The following ST7L variants were observed in gnomAD, a reference collection of about 807,000 sequenced individuals.
ST7L encodes suppression of tumorigenicity 7 like, also known as suppressor of tumorigenicity 7 protein-like.
In ST7L, 57 loss-of-function variants were observed where a neutral mutation model predicts 72.5. The ratio of observed to expected loss-of-function variants is 0.79; its 90% CI spans 0.64 to 0.98. ST7L has a LOEUF of 0.98. Ranked by LOEUF, ST7L falls within the 50% of genes least tolerant of loss-of-function variation. ST7L has a pLI of 0.00. For synonymous variants in ST7L, 221 were observed against 240.9 expected (o/e 0.92, Z 0.77); for missense variants, 576 against 672.2 (o/e 0.86, Z 1.58).
intron 5 of ST7L, among the ~76,000 whole-genome samples, chr1:112,597,653 T>A (rs1459166868): frequency 6.6e-6 from 1 of 152,254 alleles, no homozygotes; most frequent in Admixed American, 6.5e-5. Flanking sequence ...TGTTCTTCTA[T>A]TTTATGTATA....
intron 13 of ST7L, 24 bp from the exon 14 acceptor site, chr1:112,542,114 T>A (rs1231391711): frequency 6.4e-7 from 1 of 1,562,144 alleles, no homozygotes; most frequent in African/African-American, 1.4e-5. Flanking sequence ...TAGGTAAGAA[T>A]CAATTTTATT....
intron 3 of ST7L, 131 bp downstream of exon 3, chr1:112,610,710 T>G (rs1369957908): frequency 8.9e-7 from 1 of 1,117,928 alleles, no homozygotes; most frequent in Admixed American, 2.6e-5. Flanking sequence ...AACATCACAT[T>G]GGTGATTAGA....
intron 11 of ST7L, among the ~76,000 whole-genome samples, chr1:112,561,865 T>C (rs1660207975): frequency 6.8e-6 from 1 of 146,636 alleles, no homozygotes; most frequent in Admixed American, 7.0e-5. Flanking sequence ...AATCACACTG[T>C]CATCTTTAAA....
At chr1:112,541,641 G>T in intron 14 of ST7L, 1 of 349,196 alleles carries the variant, frequency 2.9e-6, no homozygotes, top group Non-Finnish European at 4.5e-6. Flanking sequence ...ACAAAATAGG[G>T]TATTTTTAAA....
chr1:112,540,092 T>C (rs765800790), intron 14 of ST7L: 415 of 985,340 alleles, frequency 4.2e-4, no homozygotes, highest in Non-Finnish European at 4.9e-4. Flanking sequence ...CATTAGTGAC[T>C]GCCTAGGTAA....
intron 4 of ST7L, among the ~76,000 whole-genome samples, chr1:112,599,148 A>G (rs1411670451): frequency 1.3e-4 from 19 of 144,228 alleles, no homozygotes; most frequent in Non-Finnish European, 2.3e-4. Flanking sequence ...ACACACACAC[A>G]CACACACACA....
chr1:112,582,181 T>G (rs926566695), intron 8 of ST7L, 75 bp from the exon 9 acceptor site: 2 of 1,168,384 alleles, frequency 1.7e-6, no homozygotes, highest in Non-Finnish European at 1.2e-6. Context: ...ATTCATTAAG[T>G]AGAAATTCTT....
chr1:112,610,989 C>T lies in ST7L; in HGVS notation c.303G>A (p.Trp101Ter), dbSNP rs754876043. The T allele has an allele frequency of 1.1e-5, 18 of 1,613,870 alleles. No individual in the cohort carries two copies. The highest frequency in any genetic ancestry group is 1.7e-5 in the Admixed American group (1 of 59,940). ...AAGATGTGCCATGCTTATGGAAGTACCACCATTCAAATATCTATGACAAAC... is the reference window on the plus strand; with the variant it reads ...AAGATGTGCCATGCTTATGGAAGTATCACCATTCAAATATCTATGACAAAC... ...ISGLIFIFEW[W>*]YFHKHGTSFI... is the part of the protein sequence containing the mutation. The change falls in exon 3 of 15, where the codon TGG becomes TGA. Residue 101 changes from tryptophan (W) to a stop codon, truncating the protein, a stop_gained. Coordinates refer to ENST00000358039, the MANE Select transcript of ST7L (RefSeq NM_017744.5). LOFTEE classifies it high-confidence loss of function.
intron 14 of ST7L, 65 bp downstream of exon 14, chr1:112,541,886 A>C: frequency 6.3e-7 from 1 of 1,585,740 alleles, no homozygotes; most frequent in South Asian, 1.2e-5. Context: ...TAGCACAGGC[A>C]GATCAGAGAT....
chr1:112,540,437 T>A, intron 14 of ST7L: 1 of 985,468 alleles, frequency 1.0e-6, no homozygotes, highest in Non-Finnish European at 1.2e-6. Context: ...GTTATGAGTA[T>A]GATCACTAAG....
At chr1:112,549,216 A>C (rs912715715) in intron 13 of ST7L, among the ~76,000 whole-genome samples, 8 of 152,072 alleles carry the variant, frequency 5.3e-5, no homozygotes, top group African/African-American at 1.9e-4. Context: ...AACATGGCGA[A>C]ACCCTGTTTC....
intron 13 of ST7L, 123 bp downstream of exon 13, chr1:112,550,478 C>G: frequency 1.6e-6 from 1 of 642,964 alleles, no homozygotes; most frequent in South Asian, 2.4e-5. Context: ...CCAGAAGTGG[C>G]TAAAATAGTA....
At chr1:112,589,864 T>G (rs1035108100) in intron 6 of ST7L, among the ~76,000 whole-genome samples, 1 of 152,244 alleles carries the variant, frequency 6.6e-6, no homozygotes, top group Non-Finnish European at 1.5e-5. Flanking sequence ...AAGTCTTTTC[T>G]GAGCATATGC....
At chr1:112,580,928 C>T (rs1419574425) in intron 9 of ST7L, among the ~76,000 whole-genome samples, 2 of 151,766 alleles carry the variant, frequency 1.3e-5, no homozygotes, top group Non-Finnish European at 2.9e-5. Flanking sequence ...ACTCTGTCTC[C>T]AATAAAAAAA....
At chr1:112,579,896 T>G (rs1045686919) in intron 9 of ST7L, among the ~76,000 whole-genome samples, 33 of 152,334 alleles carry the variant, frequency 2.2e-4, no homozygotes, top group Middle Eastern at 3.4e-3. Flanking sequence ...GTTTGTTACA[T>G]TCAGTCCCTA....
intron 13 of ST7L, among the ~76,000 whole-genome samples, chr1:112,542,536 C>T (rs409022): frequency 0.036 from 5,447 of 152,016 alleles, 309 homozygotes; most frequent in African/African-American, 0.12. Flanking sequence ...AGAGGAGGAT[C>T]GCTTAAAGCC....
intron 11 of ST7L, among the ~76,000 whole-genome samples, chr1:112,557,523 G>A (rs942855239): frequency 9.9e-5 from 15 of 151,976 alleles, no homozygotes; most frequent in Non-Finnish European, 1.9e-4. Context: ...TTTAGCTTTC[G>A]GCTATTATGA....
intron 2 of ST7L, among the ~76,000 whole-genome samples, chr1:112,614,223 A>G (rs184523826): frequency 7.1e-6 from 1 of 141,184 alleles, no homozygotes; most frequent in Non-Finnish European, 1.5e-5. Context: ...GCTGCTTAAT[A>G]TTGATAGTTT....
At chr1:112,617,714 CT>C (rs1670105399) in intron 1 of ST7L, among the ~76,000 whole-genome samples, 1 of 91,344 alleles carries the variant, frequency 1.1e-5, no homozygotes, top group Non-Finnish European at 2.1e-5. Context: ...GTCTTTCTCT[CT>C]CTCACACACA....
Sources: gnomAD v4.1 joint callset for allele counts (sites outside exome capture counted in the v4.1 genomes callset) on GRCh38, gnomAD v4.1.1 for gene constraint, MANE v1.5 for transcripts, NCBI Gene and HGNC (gene_info 2026-07-23, HGNC 2026-07-21) for gene names.